The following MAD1L1 variants were observed in gnomAD, a reference collection of about 807,000 sequenced individuals.
MAD1L1 encodes the protein mitotic arrest deficient 1 like 1, also known as mitotic spindle assembly checkpoint protein MAD1.
A neutral mutation model predicts 96.9 loss-of-function variants in MAD1L1; 95 were observed. The observed-to-expected ratio is 0.98, with a 90% CI of 0.83 to 1.16. The LOEUF is 1.16. MAD1L1 is among the 50% of genes most tolerant of loss of function. MAD1L1 has a pLI of 0.00. For synonymous variants in MAD1L1, 473 were observed against 396.6 expected, an observed-to-expected ratio of 1.19 and a Z score of -2.29; for missense variants, 1,007 against 954.4, an observed-to-expected ratio of 1.06 and a Z score of -0.73.
intron 18 of MAD1L1, among the ~76,000 whole-genome samples, chr7:1,889,102 G>C (rs866297145): frequency 6.6e-6 from 1 of 152,210 alleles, no homozygotes; most frequent in Non-Finnish European, 1.5e-5. Flanking sequence ...CTGTCACCAC[G>C]ACCCTTGGGC....
intron 11 of MAD1L1, among the ~76,000 whole-genome samples, chr7:2,071,580 G>A (rs1426782418): frequency 6.6e-6 from 1 of 152,240 alleles, no homozygotes; most frequent in Non-Finnish European, 1.5e-5. Flanking sequence ...GGGACACCAG[G>A]AAGATCGAGG....
chr7:1,876,199 T>C (rs1017301770), intron 18 of MAD1L1, among the ~76,000 whole-genome samples: 2 of 152,124 alleles, frequency 1.3e-5, no homozygotes, highest in Non-Finnish European at 2.9e-5. Context: ...GGGAGGATGG[T>C]AGCGGCATGG....
At chr7:2,001,945 C>T (rs1781815090) in intron 14 of MAD1L1, 120 bp downstream of exon 14, 6 of 1,034,450 alleles carry the variant, frequency 5.8e-6, no homozygotes, top group East Asian at 2.4e-5. Context: ...CAGCTTCCGA[C>T]GACAGAAGAG....
intron 18 of MAD1L1, chr7:1,845,434 G>C (rs1329245491): frequency 1.4e-5 from 1 of 70,440 alleles, no homozygotes; most frequent in Middle Eastern, 5.9e-3. Context: ...TCTGGTTCAC[G>C]GGGAAGAGCG....
intron 10 of MAD1L1, among the ~76,000 whole-genome samples, chr7:2,160,673 C>G (rs1349257380): frequency 6.6e-6 from 1 of 152,026 alleles, no homozygotes; most frequent in Non-Finnish European, 1.5e-5. Context: ...CGCTCTGTCG[C>G]CCAGGCTGGA....
rs535592944 is a variant in MAD1L1 at position 1,818,578 on chromosome 7, T to C, written c.1999-2350A>G. The stretch of plus-strand genomic sequence containing the variant: ...ATTTTTTTGAGAGATAGATAGACTT[T>C]AGCTATTTTGCCCAGGCTGGTCTCA... On this transcript the variant is annotated intron_variant, in intron 18 of 18. Transcript: ENST00000265854. 6.1e-4 allele frequency among the ~76,000 whole-genome samples: 92 copies of C among 152,028 alleles called. 1 individual carries two copies. The highest frequency in any genetic ancestry group is 6.8e-3 in the Middle Eastern group (2 of 294).
intron 10 of MAD1L1, among the ~76,000 whole-genome samples, chr7:2,177,913 C>A (rs957265324): frequency 1.3e-5 from 2 of 151,944 alleles, no homozygotes; most frequent in Non-Finnish European, 2.9e-5. Flanking sequence ...GCTCTGGAGG[C>A]AAGAGCAACC....
At chr7:2,048,031 A>G (rs945106683) in intron 12 of MAD1L1, among the ~76,000 whole-genome samples, 1 of 152,250 alleles carries the variant, frequency 6.6e-6, no homozygotes, top group African/African-American at 2.4e-5. Flanking sequence ...GTACACACGT[A>G]TGGACACACA....
chr7:2,229,188 G>A (rs993686420), intron 3 of MAD1L1, among the ~76,000 whole-genome samples: 1 of 152,180 alleles, frequency 6.6e-6, no homozygotes, highest in East Asian at 1.9e-4. Context: ...ACTACAGAAC[G>A]GCTCTGGGGA....
intron 18 of MAD1L1, among the ~76,000 whole-genome samples, chr7:1,880,541 T>C (rs1373677200): frequency 6.6e-6 from 1 of 152,162 alleles, no homozygotes; most frequent in African/African-American, 2.4e-5. Context: ...CCCCGCTCAC[T>C]ACAAACTGAC....
chr7:1,873,788 G>A (rs1785234431), intron 18 of MAD1L1, among the ~76,000 whole-genome samples: 1 of 152,132 alleles, frequency 6.6e-6, no homozygotes, highest in African/African-American at 2.4e-5. Context: ...GAAGCCCAGT[G>A]GGGAGACGTG....
chr7:2,220,074 C>T (rs1438491513), intron 5 of MAD1L1, among the ~76,000 whole-genome samples: 1 of 152,208 alleles, frequency 6.6e-6, no homozygotes, highest in Non-Finnish European at 1.5e-5. Flanking sequence ...CTAGCCACCC[C>T]AATGCTACCA....
rs1242991477 is a variant in MAD1L1 at position 1,887,442 on chromosome 7, CCT to C, written c.1998+10756_1998+10757del. On this transcript the variant is annotated intron_variant, in intron 18 of 18. Transcript: ENST00000265854. ...GTGTGTGCATGCGTGCATGTGGCTG[CCT>C]CTGTGTGTGCGTGCACATGTGCATG... Among the ~76,000 whole-genome samples the C allele has an allele frequency of 5.2e-5, 7 of 134,542 alleles. No homozygotes were observed. The South Asian group carries it at 7.3e-4, about 14-fold the overall frequency. 88.3% of individuals were successfully genotyped at this position (134,542 alleles called of 152,430 possible).
At chr7:1,983,140 GCGCGCGCGCGCGCGCACACACA>G (rs1482579103) in intron 14 of MAD1L1, among the ~76,000 whole-genome samples, 1 of 99,200 alleles carries the variant, frequency 1.0e-5, no homozygotes, top group African/African-American at 4.1e-5. Flanking sequence ...AGACGCGCGC[GCGCGCGCGCGCGCGCACACACA>G]CACACACACA....
chr7:2,101,120 C>T (rs921459117), intron 11 of MAD1L1, among the ~76,000 whole-genome samples: 9 of 152,188 alleles, frequency 5.9e-5, no homozygotes, highest in Non-Finnish European at 1.3e-4. Flanking sequence ...TGCTCCCCTT[C>T]AATGGGAAAA....
At chr7:1,898,995 G>A (rs965750068) in intron 17 of MAD1L1, among the ~76,000 whole-genome samples, 2 of 152,206 alleles carry the variant, frequency 1.3e-5, no homozygotes, top group Non-Finnish European at 2.9e-5. Context: ...GGAGGCCACC[G>A]GGACGTTCCG....
At chr7:1,993,130 G>C (rs1781421550) in intron 14 of MAD1L1, among the ~76,000 whole-genome samples, 2 of 152,226 alleles carry the variant, frequency 1.3e-5, no homozygotes, top group Non-Finnish European at 2.9e-5. Flanking sequence ...ACTGCTCTGA[G>C]TCTGAAGTGC....
intron 18 of MAD1L1, among the ~76,000 whole-genome samples, chr7:1,869,891 G>T (rs200691395): frequency 6.6e-6 from 1 of 152,176 alleles, no homozygotes. Flanking sequence ...ACCCAGGCTC[G>T]TCCCACAAGG....
intron 16 of MAD1L1, among the ~76,000 whole-genome samples, chr7:1,941,021 T>TCAGCCTCCTCTTCCTCCCCCCGCAGGCC (rs1778971264): frequency 3.4e-5 from 1 of 29,558 alleles, no homozygotes; most frequent in Non-Finnish European, 8.3e-5. Flanking sequence ...CTCCCCAGGC[T>TCAGCCTCCTCTTCCTCCCCCCGCAGGCC]TCAACACCGC....
Sources: gnomAD v4.1 joint callset for allele counts (sites outside exome capture counted in the v4.1 genomes callset) on GRCh38, gnomAD v4.1.1 for gene constraint, MANE v1.5 for transcripts, NCBI Gene and HGNC (gene_info 2026-07-23, HGNC 2026-07-21) for gene names.